MAP3K19: variants seen among roughly 807,000 people sequenced by gnomAD.
MAP3K19 encodes mitogen-activated protein kinase kinase kinase 19, also known as SPS1/STE20-related protein kinase YSK4.
In MAP3K19, 91 loss-of-function variants were observed where a neutral mutation model predicts 114.4. The ratio of observed to expected loss-of-function variants is 0.80; its 90% CI spans 0.67 to 0.95. The LOEUF (loss-of-function observed/expected upper bound fraction) is 0.95, where lower values mean the gene tolerates loss of function less well. Ranked by LOEUF, MAP3K19 falls within the 40% of genes least tolerant of loss-of-function variation. The pLI is 0.00. For missense variants in MAP3K19, 1,471 were observed against 1,573.2 expected (o/e 0.94, Z 1.10); for synonymous variants, 518 against 530.5 (o/e 0.98, Z 0.32).
At chr2:135,028,018 A>G (rs1348691970) in intron 3 of MAP3K19, among the ~76,000 whole-genome samples, 1 of 152,230 alleles carries the variant, frequency 6.6e-6, no homozygotes, top group Non-Finnish European at 1.5e-5. Flanking sequence ...GTATTTATAC[A>G]AAAAACTATT....
intron 11 of MAP3K19, 45 bp downstream of exon 11, chr2:134,983,631 T>TG (rs747273457): frequency 2.1e-4 from 191 of 896,278 alleles, no homozygotes; most frequent in Admixed American, 1.6e-3. Flanking sequence ...GGAGGGACTG[T>TG]GGGGGGGTGG....
intron 11 of MAP3K19, 69 bp from the exon 12 acceptor site, chr2:134,981,587 G>T: frequency 8.4e-7 from 1 of 1,185,006 alleles, no homozygotes; most frequent in Non-Finnish European, 1.2e-6. Flanking sequence ...TGCCTCAGGT[G>T]ACACTTGACT....
At position 135,032,543 on chromosome 2, in the gene MAP3K19, C is replaced by G. The variant is rs116187644; in HGVS notation, c.-283-2043G>C. Among the ~76,000 whole-genome samples the G allele has an allele frequency of 9.9e-3, 1,487 of 150,742 alleles. 23 individuals carry two copies. The highest frequency in any genetic ancestry group is 0.034 in the African/African-American group (1,418 of 41,248). On this transcript the variant is annotated intron_variant, in intron 2 of 12. Coordinates refer to ENST00000392915, the MANE Select transcript of MAP3K19 (RefSeq NM_025052.5). ...CATAGTAACCAAAAGATGAAAAGAA[C>G]CATTTTCTGTCAATGGATTGGATAA...
In MAP3K19 at chr2:135,025,381, T is replaced by TC. The variant is rs1357167755; in HGVS notation, c.-94-641_-94-640insG. Among the ~76,000 whole-genome samples, 6 of 129,294 alleles carry TC rather than the reference T, an allele frequency of 4.6e-5. No individual in the cohort carries two copies. The South Asian group carries it at 1.3e-3, about 28-fold the overall frequency. 84.8% of individuals were successfully genotyped at this position (129,294 alleles called of 152,430 possible). On this transcript the variant is annotated intron_variant, in intron 3 of 12. Coordinates refer to ENST00000392915, the MANE Select transcript of MAP3K19 (RefSeq NM_025052.5). ...CTCCACATGGCCTTTTCTTTTCTTT[T>TC]TTTTTTTTTTTTTTTTTTTTTTGAG...
chr2:135,021,782 G>A lies in MAP3K19; in HGVS notation c.71C>T (p.Ser24Phe). 5 of 1,612,624 alleles carry A rather than the reference G, an allele frequency of 3.1e-6. No individual in the cohort carries two copies. Among genetic ancestry groups the A allele is most frequent in the Non-Finnish European group, 4.2e-6 (5 of 1,179,474 alleles). Residue 24 changes from serine (S) to phenylalanine (F), a missense_variant, in exon 5 of 13, where the codon TCT becomes TTT. Physicochemically the swap from Ser to Phe is radical, Grantham distance 155. Coordinates refer to ENST00000392915, the MANE Select transcript of MAP3K19 (RefSeq NM_025052.5). ...LLDICHDTNS[S>F]PTDLMTVTKN... ...GGTAACTGTCATCAAATCAGTTGGA[G>A]AAGAGTTTGTATCATGACAAATGTC...
At chr2:134,976,970 C>T (rs1049433067) in intron 12 of MAP3K19, among the ~76,000 whole-genome samples, 1 of 151,114 alleles carries the variant, frequency 6.6e-6, no homozygotes, top group African/African-American at 2.4e-5. Context: ...TTGCTTGAAC[C>T]CATGGACGGA....
Position 134,988,266 on chromosome 2 carries a change from C to G in MAP3K19, c.619-13G>C. On this transcript the variant is annotated splice_polypyrimidine_tract_variant and intron_variant, in intron 9 of 12. Coordinates refer to ENST00000392915, the MANE Select transcript of MAP3K19 (RefSeq NM_025052.5). ...GTGGCAGAAGGAACTAAAAGGAAGA[C>G]AGAAAAAGCTGTGAATGCAGAAACA... 6.5e-7 allele frequency: 1 copy of G among 1,531,412 alleles called. No homozygotes were observed. The highest frequency in any genetic ancestry group is 8.7e-7 in the Non-Finnish European group (1 of 1,149,958). The allele number at this position is 1,531,412 out of a possible 1,614,324, so 94.9% of individuals were successfully genotyped here.
At chr2:134,996,617 A>G (rs923716423) in intron 8 of MAP3K19, among the ~76,000 whole-genome samples, 4 of 152,342 alleles carry the variant, frequency 2.6e-5, no homozygotes, top group Non-Finnish European at 5.9e-5. Flanking sequence ...GAAGGATGGC[A>G]TAATGCTCCA....
chr2:135,009,338 T>C (rs1687058175), intron 5 of MAP3K19, among the ~76,000 whole-genome samples: 2 of 152,152 alleles, frequency 1.3e-5, no homozygotes, highest in South Asian at 2.1e-4. Context: ...GTTCATACTT[T>C]GATTAATAGA....
chr2:134,976,978 G>A (rs553690591), intron 12 of MAP3K19, among the ~76,000 whole-genome samples: 7 of 150,702 alleles, frequency 4.6e-5, no homozygotes, highest in Admixed American at 6.6e-5. Context: ...ACCCATGGAC[G>A]GAGGTTGCAG....
Position 134,987,893 on chromosome 2 carries a change from C to A in MAP3K19, c.979G>T (p.Gly327Trp). The change falls in exon 10 of 13, where the codon GGG becomes TGG. Residue 327 changes from glycine to tryptophan, a missense_variant. Physicochemically the swap from Gly to Trp is radical, Grantham distance 184 (BLOSUM62 -2). Coordinates refer to ENST00000392915, the MANE Select transcript of MAP3K19 (RefSeq NM_025052.5). Reference sequence around the variant, plus strand: ...TTCTCAAAAGACACCAAAGACTGCCCTTTTTCAAAGTGAGTGATTTCAATT... The same window carrying A: ...TTCTCAAAAGACACCAAAGACTGCCATTTTTCAAAGTGAGTGATTTCAATT... The part of the protein sequence containing the change: ...NKIEITHFEK[G>W]QSLVSFENLK... 1 of 1,613,982 alleles carries A rather than the reference C, an allele frequency of 6.2e-7. No individual in the cohort carries two copies.
In MAP3K19 at chr2:135,006,887, G is replaced by A. The variant is rs117720239; in HGVS notation, c.139-1356C>T. On this transcript the variant is annotated intron_variant, in intron 5 of 12. Transcript: ENST00000392915. Reference sequence around the variant, plus strand: ...AGAAGAAAAGAAAAAGGAAATAAAAGTAAAACCTGGCCAGGCATGGTGAGT... The same window carrying A: ...AGAAGAAAAGAAAAAGGAAATAAAAATAAAACCTGGCCAGGCATGGTGAGT... Among the ~76,000 whole-genome samples the A allele has an allele frequency of 2.7e-5, 4 of 146,032 alleles. No individual in the cohort carries two copies. The East Asian group carries it at 8.4e-4, about 31-fold the overall frequency.
intron 5 of MAP3K19, among the ~76,000 whole-genome samples, chr2:135,015,532 T>C (rs1287802743): frequency 1.3e-5 from 2 of 152,228 alleles, no homozygotes; most frequent in East Asian, 1.9e-4. Context: ...AAGAAATGCT[T>C]CATTTAATAT....
At chr2:134,994,408 C>T (rs1193993520) in intron 8 of MAP3K19, among the ~76,000 whole-genome samples, 2 of 152,208 alleles carry the variant, frequency 1.3e-5, no homozygotes, top group African/African-American at 4.8e-5. Flanking sequence ...ACTGGATTCC[C>T]TGCCCTGTCC....
At position 135,021,833 on chromosome 2, in the gene MAP3K19, A is replaced by G. The variant is rs1184790443; in HGVS notation, c.23-3T>C. 1.9e-6 allele frequency: 3 copies of G among 1,556,054 alleles called. No individual in the cohort carries two copies. Among genetic ancestry groups the G allele is most frequent in the Non-Finnish European group, 2.6e-6 (3 of 1,134,360 alleles). On this transcript the variant is annotated splice_region_variant and splice_polypyrimidine_tract_variant and intron_variant, in intron 4 of 12. Transcript: ENST00000392915. ...AAGCAATGACTCAGCATGTCTTTCT[A>G]TCAAAAGAAACATAATAGTATGTTT...
Position 134,986,345 on chromosome 2 carries a change from G to T in MAP3K19, c.2527C>A (p.Leu843Ile), listed in dbSNP as rs565879973. 1 of 1,613,644 alleles carries T rather than the reference G, an allele frequency of 6.2e-7. No homozygotes were observed. The highest frequency in any genetic ancestry group is 1.7e-5 in the Admixed American group (1 of 59,968). Residue 843 changes from leucine to isoleucine, a missense_variant, in exon 10 of 13, where the codon CTA becomes ATA. Leu to Ile is a conservative substitution (Grantham distance 5). Transcript: ENST00000392915. ...GGGATAAATGGGATCTGGTGATGTA[G>T]CTCTTCAAGTTCTTGCAGATCTCTG... ...SLRDLQELEE[L>I]HHQIPFIPSE... is the part of the protein sequence containing the mutation.
chr2:134,985,878 T>G lies in MAP3K19; in HGVS notation c.2994A>C (p.Glu998Asp). 6.2e-7 allele frequency: 1 copy of G among 1,614,064 alleles called. No homozygotes were observed. The highest frequency in any genetic ancestry group is 8.5e-7 in the Non-Finnish European group (1 of 1,179,980). ...CQKMANETDP[E>D]NLNLVLRWRG... ...TCCATCTGAGGACAAGATTTAGGTTTTCAGGATCTGTTTCATTTGCCATTT... is the reference window on the plus strand; with the variant it reads ...TCCATCTGAGGACAAGATTTAGGTTGTCAGGATCTGTTTCATTTGCCATTT... The change falls in exon 10 of 13, where the codon GAA (glutamate) becomes GAC (aspartate). Residue 998 changes from glutamate (E) to aspartate (D), a missense_variant. Coordinates refer to ENST00000392915, the MANE Select transcript of MAP3K19 (RefSeq NM_025052.5).
At chr2:134,998,633 G>T in intron 8 of MAP3K19, 105 bp downstream of exon 8, 1 of 1,217,878 alleles carries the variant, frequency 8.2e-7, no homozygotes, top group Non-Finnish European at 1.1e-6. Flanking sequence ...GTTATTTTCT[G>T]GTATGTTCAC....
intron 5 of MAP3K19, among the ~76,000 whole-genome samples, chr2:135,020,665 G>A (rs1687906947): frequency 6.6e-6 from 1 of 152,146 alleles, no homozygotes; most frequent in Admixed American, 6.6e-5. Context: ...TCAAGGGAGG[G>A]ACTTTGTAGA....
Sources: allele counts gnomAD v4.1 joint callset (sites outside exome capture counted in the v4.1 genomes callset), GRCh38; gene constraint gnomAD v4.1.1; transcripts MANE v1.5; gene names NCBI Gene and HGNC (gene_info 2026-07-23, HGNC 2026-07-21).